PPM1K: variants seen among roughly 807,000 people sequenced by gnomAD.
The protein encoded by PPM1K is protein phosphatase Mn(2+)-dependent 1K.
Under a neutral mutation model 32.6 loss-of-function variants are expected in PPM1K, and 19 were observed. That is an observed-to-expected ratio of 0.58 (90% CI 0.41 to 0.86). The LOEUF (loss-of-function observed/expected upper bound fraction) is 0.86, where lower values mean the gene tolerates loss of function less well. Among genes scored for constraint, PPM1K ranks in the 40% least tolerant of loss-of-function variants. The pLI, the probability that PPM1K is intolerant of heterozygous loss-of-function variation, is 0.00. For synonymous variants in PPM1K, 159 were observed against 165.3 expected, an observed-to-expected ratio of 0.96 and a Z score of 0.29; for missense variants, 362 against 461.2, an observed-to-expected ratio of 0.78 and a Z score of 1.97.
intron 4 of PPM1K, 150 bp downstream of exon 4, chr4:88,268,591 A>C (rs758431078): frequency 5.5e-6 from 5 of 904,084 alleles, no homozygotes; most frequent in African/African-American, 1.7e-5. Context: ...ACTGCACTCC[A>C]GCCTGGGCGA....
intron 3 of PPM1K, among the ~76,000 whole-genome samples, chr4:88,272,262 C>A (rs1357278147): frequency 6.6e-6 from 1 of 151,870 alleles, no homozygotes; most frequent in Non-Finnish European, 1.5e-5. Flanking sequence ...TTTGGCTGTC[C>A]CGGCATAGGG....
intron 3 of PPM1K, among the ~76,000 whole-genome samples, chr4:88,271,998 C>T (rs1040057073): frequency 2.0e-5 from 3 of 151,758 alleles, no homozygotes; most frequent in Admixed American, 2.0e-4. Context: ...TGTTGCAGGC[C>T]GACACATCAA....
chr4:88,275,655 G>A (rs1731737190), intron 3 of PPM1K: 1 of 985,156 alleles, frequency 1.0e-6, no homozygotes, highest in South Asian at 4.7e-5. Context: ...CAGAACAGCT[G>A]GGGCACACCA....
At chr4:88,274,639 T>C (rs1252202531) in intron 3 of PPM1K, among the ~76,000 whole-genome samples, 2 of 152,190 alleles carry the variant, frequency 1.3e-5, no homozygotes, top group East Asian at 3.8e-4. Flanking sequence ...AAAAGAATAT[T>C]ATCCACTCTT....
chr4:88,263,051 A>G (rs893556563), intron 6 of PPM1K, among the ~76,000 whole-genome samples: 1 of 152,216 alleles, frequency 6.6e-6, no homozygotes, highest in Non-Finnish European at 1.5e-5. Flanking sequence ...GATACCTGTA[A>G]AGCATTCAGC....
chr4:88,267,912 TTTG>T (rs1287350285), intron 5 of PPM1K, among the ~76,000 whole-genome samples: 3 of 152,186 alleles, frequency 2.0e-5, no homozygotes, highest in East Asian at 1.9e-4. Context: ...TGCTTGTTTG[TTTG>T]TTGTTGTTGT....
intron 1 of PPM1K, among the ~76,000 whole-genome samples, chr4:88,280,226 C>T (rs923203722): frequency 1.3e-5 from 2 of 152,140 alleles, no homozygotes; most frequent in Non-Finnish European, 2.9e-5. Flanking sequence ...CAGGCATGCG[C>T]CACAGAGACT....
intron 5 of PPM1K, among the ~76,000 whole-genome samples, chr4:88,265,410 A>AAGGG (rs1731266666): frequency 2.0e-5 from 3 of 152,146 alleles, no homozygotes; most frequent in Non-Finnish European, 4.4e-5. Context: ...ACAAGATCTG[A>AAGGG]TGGTTTTATA....
chr4:88,272,193 T>G (rs1310123854), intron 3 of PPM1K, among the ~76,000 whole-genome samples: 1 of 152,186 alleles, frequency 6.6e-6, no homozygotes, highest in Non-Finnish European at 1.5e-5. Flanking sequence ...ATCAAAGTAA[T>G]GAGCTGAAGC....
chr4:88,264,453 A>G (rs1578311035), intron 6 of PPM1K, among the ~76,000 whole-genome samples: 2 of 152,182 alleles, frequency 1.3e-5, no homozygotes, highest in Admixed American at 6.5e-5. Flanking sequence ...TGACTATGCT[A>G]TATCTTCAAA....
rs549444810 is a variant in PPM1K at position 88,269,854 on chromosome 4, A to G, written c.542-948T>C. Among the ~76,000 whole-genome samples, 6 of 152,364 alleles carry G rather than the reference A, an allele frequency of 3.9e-5. No individual in the cohort carries two copies. In the South Asian group the frequency reaches 1.2e-3, roughly 32 times the overall value. ...CATCCAACTCAGACTGCATTTCTGCATCTTCCTTTGATTTCCTCTAACAGT... is the reference window on the plus strand; with the variant it reads ...CATCCAACTCAGACTGCATTTCTGCGTCTTCCTTTGATTTCCTCTAACAGT... On this transcript the variant is annotated intron_variant, in intron 3 of 6. Coordinates refer to ENST00000608933, the MANE Select transcript of PPM1K (RefSeq NM_152542.5).
intron 3 of PPM1K, chr4:88,275,061 CA>C: frequency 1.2e-6 from 1 of 819,010 alleles, no homozygotes; most frequent in Non-Finnish European, 1.5e-6. Flanking sequence ...TACTTTCAAA[CA>C]AATTACCATT....
intron 2 of PPM1K, 162 bp downstream of exon 2, chr4:88,277,982 A>G (rs758885332): frequency 4.7e-6 from 3 of 639,776 alleles, no homozygotes; most frequent in South Asian, 4.0e-5. Context: ...TGTGATAACC[A>G]TAAGTAATAA....
chr4:88,283,559 G>A (rs1732104539), intron 1 of PPM1K, among the ~76,000 whole-genome samples: 1 of 152,238 alleles, frequency 6.6e-6, no homozygotes, highest in South Asian at 2.1e-4. Flanking sequence ...TGGAGCTTTT[G>A]AGACTGCAAA....
intron 6 of PPM1K, 81 bp from the exon 7 acceptor site, chr4:88,262,807 G>A: frequency 2.7e-6 from 4 of 1,454,964 alleles, no homozygotes; most frequent in Non-Finnish European, 3.7e-6. Flanking sequence ...TCCTTCCCTT[G>A]GAAATACGCT....
chr4:88,260,823 G>C lies in PPM1K; in HGVS notation c.*1772C>G, dbSNP rs117352904. On this transcript the variant is annotated 3_prime_UTR_variant, in exon 7 of 7. Coordinates refer to ENST00000608933, the MANE Select transcript of PPM1K (RefSeq NM_152542.5). Reference sequence around the variant, plus strand: ...ATATACTACATCAACTTTTTCTTTTGTTTCTGCCACAGAATTCCATGTCAT... The same window carrying C: ...ATATACTACATCAACTTTTTCTTTTCTTTCTGCCACAGAATTCCATGTCAT... The C allele has an allele frequency of 6.7e-6, 1 of 148,956 alleles. No individual in the cohort carries two copies. The highest frequency in any genetic ancestry group is 1.9e-4 in the East Asian group (1 of 5,132). 9.2% of individuals were successfully genotyped at this position (148,956 alleles called of 1,614,324 possible).
In PPM1K at chr4:88,268,730, G is replaced by C; in HGVS notation, c.707+11C>G. The C allele has an allele frequency of 6.2e-7, 1 of 1,611,000 alleles. No homozygotes were observed. The highest frequency in any genetic ancestry group is 8.5e-7 in the Non-Finnish European group (1 of 1,177,628). On this transcript the variant is annotated intron_variant, in intron 4 of 6. Transcript: ENST00000608933. ...ACATAGAATGATATGATGGATCAGT[G>C]GTGGTAGTACCTTTCTTTTTCATCT...
chr4:88,276,550 G>T, intron 3 of PPM1K: 3 of 985,330 alleles, frequency 3.0e-6, no homozygotes, highest in Non-Finnish European at 3.6e-6. Flanking sequence ...CAGCTAGCAT[G>T]ACCTTATGCT....
chr4:88,283,554 C>T (rs1192461255), intron 1 of PPM1K, among the ~76,000 whole-genome samples: 1 of 152,264 alleles, frequency 6.6e-6, no homozygotes, highest in African/African-American at 2.4e-5. Context: ...GCCCGTGGAG[C>T]TTTTGAGACT....
Sources: gnomAD v4.1 joint callset for allele counts (sites outside exome capture counted in the v4.1 genomes callset) on GRCh38, gnomAD v4.1.1 for gene constraint, MANE v1.5 for transcripts, NCBI Gene and HGNC (gene_info 2026-07-23, HGNC 2026-07-21) for gene names.